NRXN3: variants seen among roughly 807,000 people sequenced by gnomAD.
NRXN3 encodes neurexin 3, also known as neurexin III.
A neutral mutation model predicts 137.6 loss-of-function variants in NRXN3; 32 were observed. That is an observed-to-expected ratio of 0.23 (90% CI 0.18 to 0.31). NRXN3 has a LOEUF of 0.31. Among genes scored for constraint, NRXN3 ranks in the 10% least tolerant of loss-of-function variants. The pLI is 1.00. For synonymous variants in NRXN3, 798 were observed against 784.5 expected (o/e 1.02, Z -0.29); for missense variants, 1,574 against 2,062.5 (o/e 0.76, Z 4.59).
intron 20 of NRXN3, chr14:79,823,808 G>T (rs1019767433): frequency 2.8e-6 from 1 of 360,698 alleles, no homozygotes; most frequent in Non-Finnish European, 6.2e-6. Context: ...AAGGAAAGCT[G>T]CTGGAGGAAT....
chr14:78,788,260 T>C (rs944900195), intron 8 of NRXN3, among the ~76,000 whole-genome samples: 1 of 57,860 alleles, frequency 1.7e-5, no homozygotes. Context: ...TGCATATATA[T>C]ACAACATGTA....
intron 15 of NRXN3, among the ~76,000 whole-genome samples, chr14:79,377,171 A>G (rs761952120): frequency 2.6e-5 from 4 of 152,202 alleles, no homozygotes; most frequent in Non-Finnish European, 5.9e-5. Context: ...AACATATGTG[A>G]AAAAGTTAAG....
chr14:79,175,067 G>A (rs1005844793), intron 15 of NRXN3, among the ~76,000 whole-genome samples: 6 of 147,672 alleles, frequency 4.1e-5, no homozygotes, highest in Non-Finnish European at 7.4e-5. Flanking sequence ...TGCAAGCTCC[G>A]TCTCCCGGGT....
chr14:78,648,945 A>G (rs2097712484), intron 5 of NRXN3, among the ~76,000 whole-genome samples: 1 of 152,134 alleles, frequency 6.6e-6, no homozygotes, highest in South Asian at 2.1e-4. Context: ...GCTAATTCTA[A>G]CGGGTGAGGT....
At position 79,385,498 on chromosome 14, in the gene NRXN3, G is replaced by GT. The variant is rs377374943; in HGVS notation, c.3263-81717dup. Reference sequence around the variant, plus strand: ...TTGATCAGCAATCTATGCTTTGAGTGTTTTTTGTTAAGTGGCTAATGCAGT... The same window carrying GT: ...TTGATCAGCAATCTATGCTTTGAGTGTTTTTTTGTTAAGTGGCTAATGCAGT... On this transcript the variant is annotated intron_variant, in intron 15 of 20. Coordinates refer to ENST00000335750, the MANE Select transcript of NRXN3 (RefSeq NM_001330195.2). 4.9e-4 allele frequency among the ~76,000 whole-genome samples: 74 copies of GT among 152,162 alleles called. 1 individual carries two copies. The highest frequency in any genetic ancestry group is 1.7e-3 in the African/African-American group (70 of 41,514).
intron 4 of NRXN3, among the ~76,000 whole-genome samples, chr14:78,400,131 A>G (rs1250842749): frequency 6.6e-6 from 1 of 152,198 alleles, no homozygotes; most frequent in Non-Finnish European, 1.5e-5. Context: ...AAAGGGGATG[A>G]TGCAGCCATG....
Position 78,334,479 on chromosome 14 carries a change from C to T in NRXN3, c.757+36619C>T, listed in dbSNP as rs545733044. On this transcript the variant is annotated intron_variant, in intron 4 of 20. Transcript: ENST00000335750. ...GGTTCCATTGTCTTCCCATGGAAGA[C>T]GGGAGGGCTCCTCCCCGAGGATGAT... 7.8e-3 allele frequency among the ~76,000 whole-genome samples: 1,180 copies of T among 152,202 alleles called. 6 individuals carry two copies. Among genetic ancestry groups the T allele is most frequent in the Non-Finnish European group, 0.012 (818 of 68,006 alleles).
intron 15 of NRXN3, among the ~76,000 whole-genome samples, chr14:79,395,532 G>C (rs1030376597): frequency 2.0e-5 from 3 of 150,714 alleles, no homozygotes; most frequent in Admixed American, 1.3e-4. Context: ...TGTGAGGCCG[G>C]GCGTGGTGGC....
chr14:79,453,935 C>T (rs1329108185), intron 15 of NRXN3, among the ~76,000 whole-genome samples: 2 of 152,120 alleles, frequency 1.3e-5, no homozygotes, highest in Non-Finnish European at 2.9e-5. Context: ...CAGTCTTCCT[C>T]TAAATCCCCA....
chr14:79,414,350 A>G (rs1418936564), intron 15 of NRXN3, among the ~76,000 whole-genome samples: 1 of 152,100 alleles, frequency 6.6e-6, no homozygotes, highest in East Asian at 1.9e-4. Context: ...AGTTTGACTC[A>G]GGTCAAATAG....
At chr14:78,515,856 C>T (rs1488887293) in intron 4 of NRXN3, among the ~76,000 whole-genome samples, 3 of 152,138 alleles carry the variant, frequency 2.0e-5, no homozygotes, top group Non-Finnish European at 4.4e-5. Flanking sequence ...ATTTCTTTGA[C>T]GTCCTTAACA....
At chr14:78,270,587 G>T (rs1208269855) in intron 2 of NRXN3, among the ~76,000 whole-genome samples, 1 of 152,178 alleles carries the variant, frequency 6.6e-6, no homozygotes, top group Non-Finnish European at 1.5e-5. Context: ...TGTTTGCAAG[G>T]CTTAAACAGG....
chr14:78,584,539 C>A, intron 4 of NRXN3, among the ~76,000 whole-genome samples: 1 of 152,306 alleles, frequency 6.6e-6, no homozygotes, highest in African/African-American at 2.4e-5. Context: ...TAGTTCTTTC[C>A]CAAACAGCTC....
At chr14:78,345,256 T>C (rs1350184354) in intron 4 of NRXN3, among the ~76,000 whole-genome samples, 1 of 152,194 alleles carries the variant, frequency 6.6e-6, no homozygotes, top group Non-Finnish European at 1.5e-5. Context: ...GTTCAGCTTT[T>C]ACTAAGGGCA....
intron 15 of NRXN3, among the ~76,000 whole-genome samples, chr14:79,147,994 C>T (rs754807796): frequency 3.9e-5 from 6 of 152,092 alleles, no homozygotes; most frequent in Non-Finnish European, 8.8e-5. Context: ...TTCTACTTTC[C>T]TGTCTCCAGC....
intron 2 of NRXN3, among the ~76,000 whole-genome samples, chr14:78,277,984 ATTTG>A (rs1329196501): frequency 2.0e-5 from 3 of 152,178 alleles, no homozygotes; most frequent in Admixed American, 2.0e-4. Flanking sequence ...CAGGATTTCA[ATTTG>A]TTTGATGAAT....
intron 17 of NRXN3, among the ~76,000 whole-genome samples, chr14:79,672,446 G>A (rs905867880): frequency 3.9e-5 from 6 of 151,948 alleles, no homozygotes; most frequent in Non-Finnish European, 8.8e-5. Flanking sequence ...GAAATACAGT[G>A]TAGTCACACT....
intron 16 of NRXN3, among the ~76,000 whole-genome samples, chr14:79,553,149 G>A (rs545541417): frequency 6.6e-6 from 1 of 152,182 alleles, no homozygotes; most frequent in South Asian, 2.1e-4. Flanking sequence ...GTATGCCAAA[G>A]TACCATATTT....
chr14:78,805,021 G>C (rs1296868993), intron 9 of NRXN3, among the ~76,000 whole-genome samples: 1 of 152,152 alleles, frequency 6.6e-6, no homozygotes, highest in Non-Finnish European at 1.5e-5. Flanking sequence ...CACATGTCCT[G>C]GTGGGAAGGT....
Sources: gnomAD v4.1 joint callset for allele counts (sites outside exome capture counted in the v4.1 genomes callset) on GRCh38, gnomAD v4.1.1 for gene constraint, MANE v1.5 for transcripts, NCBI Gene and HGNC (gene_info 2026-07-23, HGNC 2026-07-21) for gene names.